The following SNTG2 variants were observed in gnomAD, a reference collection of about 807,000 sequenced individuals.
The protein encoded by SNTG2 is gamma-2-syntrophin.
Under a neutral mutation model 70.9 loss-of-function variants are expected in SNTG2, and 74 were observed. The ratio of observed to expected loss-of-function variants is 1.04; its 90% CI spans 0.86 to 1.27. The LOEUF (loss-of-function observed/expected upper bound fraction) is 1.27, where lower values mean the gene tolerates loss of function less well. Ranked by LOEUF, SNTG2 falls within the 50% of genes most tolerant of loss-of-function variation. The pLI is 0.00. For synonymous variants in SNTG2, 278 were observed against 273.8 expected (o/e 1.02, Z -0.15); for missense variants, 717 against 690.7 (o/e 1.04, Z -0.43).
intron 1 of SNTG2, among the ~76,000 whole-genome samples, chr2:987,259 C>T (rs546312374): frequency 6.6e-5 from 10 of 152,186 alleles, no homozygotes; most frequent in East Asian, 5.8e-4. Context: ...GGCTAGACTG[C>T]GCTGGGTTAA....
intron 1 of SNTG2, among the ~76,000 whole-genome samples, chr2:1,069,797 A>G (rs1193111325): frequency 3.9e-4 from 60 of 152,104 alleles, no homozygotes. Flanking sequence ...CTCAAAAAAA[A>G]TAAATAAATA....
intron 16 of SNTG2, among the ~76,000 whole-genome samples, chr2:1,317,008 T>A (rs865945029): frequency 0.033 from 444 of 13,330 alleles, 1 homozygote; most frequent in Middle Eastern, 0.083. Context: ...ATGTAGCATA[T>A]GGCCAGCATT....
chr2:1,308,141 A>G (rs918978710), intron 14 of SNTG2, among the ~76,000 whole-genome samples: 2 of 152,174 alleles, frequency 1.3e-5, no homozygotes, highest in African/African-American at 2.4e-5. Context: ...AATAGGTACA[A>G]TGAGCTAGCA....
chr2:1,069,454 A>G (rs1663374210), intron 1 of SNTG2, among the ~76,000 whole-genome samples: 1 of 151,598 alleles, frequency 6.6e-6, no homozygotes, highest in Non-Finnish European at 1.5e-5. Context: ...CACGTGGATT[A>G]TGGAACAGGG....
intron 1 of SNTG2, among the ~76,000 whole-genome samples, chr2:965,569 T>TCCTCTTCTGTGGC (rs1660531699): frequency 6.7e-6 from 1 of 149,732 alleles, no homozygotes; most frequent in African/African-American, 2.5e-5. Context: ...TCTTCTGTGG[T>TCCTCTTCTGTGGC]CCCCTCCTCC....
At chr2:1,022,553 C>T (rs980553829) in intron 1 of SNTG2, among the ~76,000 whole-genome samples, 1 of 152,060 alleles carries the variant, frequency 6.6e-6, no homozygotes, top group Non-Finnish European at 1.5e-5. Flanking sequence ...CCCTGAGTTC[C>T]CCTGAATCCC....
chr2:957,035 C>T (rs973679438), intron 1 of SNTG2, among the ~76,000 whole-genome samples: 3 of 152,188 alleles, frequency 2.0e-5, no homozygotes, highest in East Asian at 1.9e-4. Flanking sequence ...TACCAAATGG[C>T]TCTGTCAGTT....
At chr2:1,200,428 T>C (rs566016538) in intron 8 of SNTG2, among the ~76,000 whole-genome samples, 1 of 152,074 alleles carries the variant, frequency 6.6e-6, no homozygotes, top group South Asian at 2.1e-4. Context: ...GAAGTAAACA[T>C]AGTAGAAACA....
At chr2:1,143,887 C>T (rs1362632136) in intron 6 of SNTG2, among the ~76,000 whole-genome samples, 2 of 143,588 alleles carry the variant, frequency 1.4e-5, no homozygotes, top group East Asian at 4.5e-4. Context: ...AACAAACAAC[C>T]CCCCCCCAGA....
chr2:1,117,117 T>C (rs1167608761), intron 4 of SNTG2, among the ~76,000 whole-genome samples: 1 of 149,318 alleles, frequency 6.7e-6, no homozygotes. Flanking sequence ...GTACGGGTGC[T>C]CTTGTGTGTA....
chr2:1,319,711 AAC>A (rs1681436803), intron 16 of SNTG2, among the ~76,000 whole-genome samples: 2 of 152,364 alleles, frequency 1.3e-5, no homozygotes, highest in African/African-American at 4.8e-5. Flanking sequence ...CAGAGTAGGA[AAC>A]ACATATGTGG....
intron 8 of SNTG2, among the ~76,000 whole-genome samples, chr2:1,196,478 T>C (rs1390415415): frequency 2.6e-5 from 4 of 152,188 alleles, no homozygotes; most frequent in African/African-American, 9.6e-5. Context: ...ACCTGAAAGC[T>C]TCTCAAGTCT....
intron 2 of SNTG2, among the ~76,000 whole-genome samples, chr2:1,096,447 A>G (rs1665395138): frequency 6.6e-6 from 1 of 152,168 alleles, no homozygotes. Flanking sequence ...TTTACCTTAC[A>G]GCTGAAATGT....
At chr2:1,247,220 TG>T in intron 11 of SNTG2, 106 bp from the exon 12 acceptor site, 1 of 644,548 alleles carries the variant, frequency 1.6e-6, no homozygotes, top group Non-Finnish European at 2.8e-6. Flanking sequence ...CTCCTGATTC[TG>T]GGTGTGTTGA....
intron 15 of SNTG2, among the ~76,000 whole-genome samples, chr2:1,309,370 C>T (rs1350114641): frequency 6.6e-6 from 1 of 152,240 alleles, no homozygotes; most frequent in African/African-American, 2.4e-5. Context: ...GCACTGGGAA[C>T]TGCGCCTTCT....
intron 8 of SNTG2, among the ~76,000 whole-genome samples, chr2:1,206,142 C>T (rs1005201005): frequency 6.6e-6 from 1 of 152,156 alleles, no homozygotes; most frequent in African/African-American, 2.4e-5. Flanking sequence ...ATTATATCTG[C>T]AAGCTATTGA....
At chr2:1,286,201 A>G in intron 14 of SNTG2, among the ~76,000 whole-genome samples, 1 of 152,164 alleles carries the variant, frequency 6.6e-6, no homozygotes, top group Non-Finnish European at 1.5e-5. Context: ...CTGGAAACAG[A>G]AATTTTGCTA....
intron 4 of SNTG2, among the ~76,000 whole-genome samples, chr2:1,103,618 G>A (rs1387897697): frequency 1.3e-5 from 2 of 152,134 alleles, no homozygotes; most frequent in Non-Finnish European, 2.9e-5. Context: ...TCGATCCCTT[G>A]ACCTCATGAT....
intron 2 of SNTG2, among the ~76,000 whole-genome samples, chr2:1,092,847 G>C (rs1389572519): frequency 6.6e-6 from 1 of 152,182 alleles, no homozygotes; most frequent in African/African-American, 2.4e-5. Flanking sequence ...ATATAATGAT[G>C]CTGCTACCAA....
Sources: gnomAD v4.1 joint callset for allele counts (sites outside exome capture counted in the v4.1 genomes callset) on GRCh38, gnomAD v4.1.1 for gene constraint, MANE v1.5 for transcripts, NCBI Gene and HGNC (gene_info 2026-07-23, HGNC 2026-07-21) for gene names.